The following PIK3C2G variants were observed in gnomAD, a reference collection of about 807,000 sequenced individuals.
PIK3C2G encodes the protein phosphatidylinositol 3-kinase C2 domain-containing subunit gamma.
In PIK3C2G, 168 loss-of-function variants were observed where a neutral mutation model predicts 181.1. That is an observed-to-expected ratio of 0.93 (90% CI 0.82 to 1.05). PIK3C2G has a LOEUF of 1.05. PIK3C2G is among the 50% of genes least tolerant of loss of function. The pLI is 0.00. For synonymous variants in PIK3C2G, 573 were observed against 592.2 expected (o/e 0.97, Z 0.47); for missense variants, 1,869 against 1,732.8 (o/e 1.08, Z -1.40).
intron 26 of PIK3C2G, among the ~76,000 whole-genome samples, chr12:18,548,780 T>C (rs1365583813): frequency 6.6e-6 from 1 of 152,060 alleles, no homozygotes; most frequent in African/African-American, 2.4e-5. Context: ...CATCAAATTA[T>C]GGAAACTAGG....
intron 17 of PIK3C2G, among the ~76,000 whole-genome samples, chr12:18,423,122 T>C (rs1462056126): frequency 2.0e-5 from 3 of 149,506 alleles, no homozygotes; most frequent in Non-Finnish European, 4.4e-5. Flanking sequence ...GCTTAGACTC[T>C]GAAGCTTTGA....
At chr12:18,381,630 T>C in intron 13 of PIK3C2G, 136 bp from the exon 14 acceptor site, 1 of 573,764 alleles carries the variant, frequency 1.7e-6, no homozygotes, top group South Asian at 2.4e-5. Flanking sequence ...GACTATCTCA[T>C]TTCTTTTCTA....
chr12:18,659,663 C>CTTTTTTTTTTTTT, the PIK3C2G span, among the ~76,000 whole-genome samples: 2 of 133,816 alleles, frequency 1.5e-5, no homozygotes, highest in Non-Finnish European at 3.2e-5. Flanking sequence ...GTTCTCCATT[C>CTTTTTTTTTTTTT]TTTTTTTTTT....
chr12:18,591,521 G>A (rs1413781838), intron 29 of PIK3C2G, among the ~76,000 whole-genome samples: 1 of 151,758 alleles, frequency 6.6e-6, no homozygotes, highest in Non-Finnish European at 1.5e-5. Context: ...AAAGAGAAAG[G>A]AAAATATAGG....
intron 1 of PIK3C2G, among the ~76,000 whole-genome samples, chr12:18,251,793 AC>A (rs1298276511): frequency 6.6e-6 from 1 of 152,080 alleles, no homozygotes; most frequent in East Asian, 1.9e-4. Context: ...TATGCATACC[AC>A]AGTCATTTTC....
At chr12:18,451,383 T>C (rs1947351657) in intron 18 of PIK3C2G, among the ~76,000 whole-genome samples, 1 of 152,188 alleles carries the variant, frequency 6.6e-6, no homozygotes, top group Non-Finnish European at 1.5e-5. Flanking sequence ...TGCTTGTCTA[T>C]TATTGCTGTG....
chr12:18,308,844 T>C (rs940016469), intron 5 of PIK3C2G, among the ~76,000 whole-genome samples: 14 of 151,792 alleles, frequency 9.2e-5, no homozygotes, highest in African/African-American at 3.4e-4. Flanking sequence ...TTATAAATAC[T>C]ATATATTGCA....
At chr12:18,574,143 G>C (rs1946116679) in intron 29 of PIK3C2G, among the ~76,000 whole-genome samples, 1 of 152,076 alleles carries the variant, frequency 6.6e-6, no homozygotes, top group Non-Finnish European at 1.5e-5. Flanking sequence ...CATTTCATAG[G>C]GAGGCACCAA....
chr12:18,719,715 A>G, the PIK3C2G span: 7 of 914,472 alleles, frequency 7.7e-6, no homozygotes, highest in African/African-American at 3.4e-5. Flanking sequence ...TTGTAAACTT[A>G]CTCAGTAGTA....
chr12:18,281,467 T>C (rs1297706094), intron 1 of PIK3C2G, among the ~76,000 whole-genome samples: 1 of 152,022 alleles, frequency 6.6e-6, no homozygotes, highest in Non-Finnish European at 1.5e-5. Flanking sequence ...GTTGATGAAT[T>C]TAATGTTAGT....
At chr12:18,455,718 G>T (rs952107098) in intron 18 of PIK3C2G, among the ~76,000 whole-genome samples, 9 of 152,060 alleles carry the variant, frequency 5.9e-5, no homozygotes, top group Non-Finnish European at 1.0e-4. Context: ...GGATACAGAA[G>T]CTCTCTGGGA....
intron 5 of PIK3C2G, among the ~76,000 whole-genome samples, chr12:18,300,646 T>G (rs1591873439): frequency 6.6e-6 from 1 of 152,120 alleles, no homozygotes; most frequent in East Asian, 1.9e-4. Flanking sequence ...GACTTATTCC[T>G]GTCATTTTCT....
intron 10 of PIK3C2G, among the ~76,000 whole-genome samples, chr12:18,346,002 T>C (rs1028998962): frequency 1.3e-5 from 2 of 152,180 alleles, no homozygotes; most frequent in African/African-American, 4.8e-5. Context: ...ATTTTTCTTC[T>C]TTCATGACAA....
intron 24 of PIK3C2G, among the ~76,000 whole-genome samples, chr12:18,518,564 TG>T (rs933720342): frequency 5.9e-5 from 9 of 152,182 alleles, no homozygotes; most frequent in African/African-American, 2.2e-4. Context: ...TGTATTTCTG[TG>T]GGGTCAGTGT....
the PIK3C2G span, among the ~76,000 whole-genome samples, chr12:18,725,713 T>G: frequency 6.6e-6 from 1 of 152,136 alleles, no homozygotes; most frequent in African/African-American, 2.4e-5. Flanking sequence ...TCAGGTGCTC[T>G]GAATTAGTTG....
At chr12:18,345,356 TC>T (rs1377193850) in intron 10 of PIK3C2G, among the ~76,000 whole-genome samples, 3 of 151,836 alleles carry the variant, frequency 2.0e-5, no homozygotes, top group South Asian at 4.2e-4. Flanking sequence ...CCTCTGCTTG[TC>T]CCCCCCAGAC....
intron 14 of PIK3C2G, among the ~76,000 whole-genome samples, chr12:18,382,570 C>T (rs1346247667): frequency 6.6e-6 from 1 of 152,066 alleles, no homozygotes. Context: ...TGGGCAGCAC[C>T]CTCTAGAACA....
chr12:18,487,206 G>A (rs191645543), intron 18 of PIK3C2G, among the ~76,000 whole-genome samples: 1 of 151,454 alleles, frequency 6.6e-6, no homozygotes, highest in African/African-American at 2.4e-5. Flanking sequence ...GAAAATAAAA[G>A]AGGTACTAGA....
At chr12:18,599,319 T>A (rs1163270844) in intron 30 of PIK3C2G, among the ~76,000 whole-genome samples, 1 of 151,822 alleles carries the variant, frequency 6.6e-6, no homozygotes, top group Non-Finnish European at 1.5e-5. Context: ...TATGCAGCCA[T>A]AAAAAATGAT....
Sources: allele counts gnomAD v4.1 joint callset (sites outside exome capture counted in the v4.1 genomes callset), GRCh38; gene constraint gnomAD v4.1.1; transcripts MANE v1.5; gene names NCBI Gene and HGNC (gene_info 2026-07-23, HGNC 2026-07-21).